UNC13C: variants seen among roughly 807,000 people sequenced by gnomAD.
The protein encoded by UNC13C is protein unc-13 homolog C.
Under a neutral mutation model 245.4 loss-of-function variants are expected in UNC13C, and 174 were observed. The ratio of observed to expected loss-of-function variants is 0.71; its 90% CI spans 0.63 to 0.80. The LOEUF is 0.80. Among genes scored for constraint, UNC13C ranks in the 30% least tolerant of loss-of-function variants. UNC13C has a pLI of 0.00. For missense variants in UNC13C, 2,829 were observed against 2,602.9 expected, an observed-to-expected ratio of 1.09 and a Z score of -1.89; for synonymous variants, 992 against 895.1, an observed-to-expected ratio of 1.11 and a Z score of -1.93.
chr15:54,059,535 C>G (rs1897705886), intron 2 of UNC13C, among the ~76,000 whole-genome samples: 2 of 152,152 alleles, frequency 1.3e-5, no homozygotes, highest in African/African-American at 4.8e-5. Context: ...AATGGCCATA[C>G]TGTCCAAGGT....
chr15:54,032,978 T>C (rs1896423817), intron 2 of UNC13C, among the ~76,000 whole-genome samples: 1 of 152,096 alleles, frequency 6.6e-6, no homozygotes, highest in South Asian at 2.1e-4. Flanking sequence ...CTTTGGGGAC[T>C]CAGGGTGAAA....
intron 8 of UNC13C, among the ~76,000 whole-genome samples, chr15:54,262,867 C>A (rs1391245410): frequency 6.6e-6 from 1 of 152,112 alleles, no homozygotes; most frequent in Non-Finnish European, 1.5e-5. Flanking sequence ...TGAACATTTA[C>A]ATTAAATTAT....
chr15:54,355,476 C>T (rs1192743084), intron 17 of UNC13C, among the ~76,000 whole-genome samples: 1 of 152,036 alleles, frequency 6.6e-6, no homozygotes, highest in Non-Finnish European at 1.5e-5. Context: ...CCTGCCTCAG[C>T]CTCTCTAGAA....
intron 19 of UNC13C, among the ~76,000 whole-genome samples, chr15:54,448,365 A>T (rs751332906): frequency 6.6e-6 from 1 of 152,112 alleles, no homozygotes; most frequent in Non-Finnish European, 1.5e-5. Context: ...TCTAATGTTG[A>T]CTGTGGGGTG....
intron 2 of UNC13C, chr15:54,050,744 C>A: frequency 1.7e-6 from 1 of 576,192 alleles, no homozygotes; most frequent in Non-Finnish European, 3.4e-6. Context: ...AGTTGTTCCA[C>A]TAGTGAACAA....
chr15:54,410,019 G>A (rs2040385247), intron 18 of UNC13C, among the ~76,000 whole-genome samples: 1 of 152,110 alleles, frequency 6.6e-6, no homozygotes, highest in South Asian at 2.1e-4. Flanking sequence ...CCTTTTCTCT[G>A]CAACCTCACC....
At chr15:54,352,322 A>AT (rs2039001393) in intron 17 of UNC13C, among the ~76,000 whole-genome samples, 1 of 129,430 alleles carries the variant, frequency 7.7e-6, no homozygotes, top group East Asian at 2.3e-4. Flanking sequence ...TATTTTATAT[A>AT]AATATAATTA....
intron 10 of UNC13C, among the ~76,000 whole-genome samples, chr15:54,270,440 C>T (rs949782578): frequency 6.6e-6 from 1 of 152,102 alleles, no homozygotes; most frequent in African/African-American, 2.4e-5. Context: ...ATAATACATA[C>T]CTCACAGAAT....
At chr15:54,038,124 A>ATATATATTTTTTTTTTTTTTTTTTT in intron 2 of UNC13C, among the ~76,000 whole-genome samples, 2 of 45,038 alleles carry the variant, frequency 4.4e-5, no homozygotes, top group African/African-American at 2.1e-4. Context: ...ATATATATAT[A>ATATATATTTTTTTTTTTTTTTTTTT]TTTTTTTTTT....
At chr15:54,329,089 T>TG (rs1017911499) in intron 14 of UNC13C, among the ~76,000 whole-genome samples, 5 of 151,128 alleles carry the variant, frequency 3.3e-5, no homozygotes, top group South Asian at 4.1e-4. Flanking sequence ...AAGTTTTTTT[T>TG]TTTTTTTTTT....
rs1051282753 is a variant in UNC13C at position 54,236,450 on chromosome 15, A to G, written c.3156+15A>G. 3.1e-6 allele frequency: 5 copies of G among 1,588,010 alleles called. No individual in the cohort carries two copies. The highest frequency in any genetic ancestry group is 1.1e-5 in the South Asian group (1 of 89,026). On this transcript the variant is annotated intron_variant, in intron 6 of 32. Transcript: ENST00000260323. ...TTCAGGCCATGGTAAGTGCTTTGCTATTTATTTAATTAATATTTTGCAGTC... is the reference window on the plus strand; with the variant it reads ...TTCAGGCCATGGTAAGTGCTTTGCTGTTTATTTAATTAATATTTTGCAGTC...
At chr15:54,209,590 T>G (rs1345597765) in intron 4 of UNC13C, among the ~76,000 whole-genome samples, 3 of 152,056 alleles carry the variant, frequency 2.0e-5, no homozygotes, top group Non-Finnish European at 4.4e-5. Context: ...TTTCTGTGTT[T>G]TTTTGTAGAG....
chr15:54,619,562 T>A (rs1442585833), intron 30 of UNC13C, among the ~76,000 whole-genome samples: 1 of 152,174 alleles, frequency 6.6e-6, no homozygotes, highest in African/African-American at 2.4e-5. Flanking sequence ...TGGTCACTAA[T>A]GACATGTATC....
At position 54,566,313 on chromosome 15, in the gene UNC13C, A is replaced by G. The variant is rs147862597; in HGVS notation, c.5959-1487A>G. 5.9e-5 allele frequency among the ~76,000 whole-genome samples: 9 copies of G among 152,176 alleles called. No individual in the cohort carries two copies. In the East Asian group the frequency reaches 1.4e-3, roughly 23 times the overall value. ...AAGGAATTGTCATATTTTTTCATCC[A>G]TTAAGGCACCTGAAACAGTTCTGGA... On this transcript the variant is annotated intron_variant, in intron 29 of 32. Coordinates refer to ENST00000260323, the MANE Select transcript of UNC13C (RefSeq NM_001080534.3).
the UNC13C span, among the ~76,000 whole-genome samples, chr15:53,961,189 A>T: frequency 6.6e-6 from 1 of 152,222 alleles, no homozygotes; most frequent in African/African-American, 2.4e-5. Flanking sequence ...CAGCCAATAC[A>T]GCATGGCCCA....
At chr15:54,556,554 A>C (rs977254098) in intron 29 of UNC13C, among the ~76,000 whole-genome samples, 1 of 152,066 alleles carries the variant, frequency 6.6e-6, no homozygotes, top group Non-Finnish European at 1.5e-5. Context: ...GTTTCTAAAG[A>C]GGTAGCCAAA....
chr15:54,464,617 T>A lies in UNC13C; in HGVS notation c.4934-29991T>A, dbSNP rs191981970. Reference sequence around the variant, plus strand: ...TACAAGGAAAAGGACTCATCTTAAGTTTAAAAACTTTTAAATCAAATTTTT... The same window carrying A: ...TACAAGGAAAAGGACTCATCTTAAGATTAAAAACTTTTAAATCAAATTTTT... On this transcript the variant is annotated intron_variant, in intron 19 of 32. Coordinates refer to ENST00000260323, the MANE Select transcript of UNC13C (RefSeq NM_001080534.3). Among the ~76,000 whole-genome samples the A allele has an allele frequency of 7.2e-5, 11 of 152,212 alleles. No individual in the cohort carries two copies. In the East Asian group the frequency reaches 2.1e-3, roughly 29 times the overall value.
At chr15:54,237,714 A>ATCTC (rs2035740930) in intron 7 of UNC13C, 24 bp downstream of exon 7, 1 of 1,547,296 alleles carries the variant, frequency 6.5e-7, no homozygotes, top group Non-Finnish European at 8.9e-7. Flanking sequence ...ATTGCTCATA[A>ATCTC]TATCTAACTA....
At chr15:54,327,809 C>G (rs2038337757) in intron 14 of UNC13C, among the ~76,000 whole-genome samples, 2 of 152,186 alleles carry the variant, frequency 1.3e-5, no homozygotes, top group South Asian at 4.1e-4. Flanking sequence ...AGGGTCCTAT[C>G]TTCCCAAAGA....
Sources: allele counts gnomAD v4.1 joint callset (sites outside exome capture counted in the v4.1 genomes callset), GRCh38; gene constraint gnomAD v4.1.1; transcripts MANE v1.5; gene names NCBI Gene and HGNC (gene_info 2026-07-23, HGNC 2026-07-21).